The following DLGAP5 variants were observed in gnomAD, a reference collection of about 807,000 sequenced individuals.
DLGAP5 encodes the protein disks large-associated protein 5.
In DLGAP5, 90 loss-of-function variants were observed where a neutral mutation model predicts 99.6. That is an observed-to-expected ratio of 0.90 (90% confidence interval 0.76 to 1.08). DLGAP5 has a LOEUF of 1.08. DLGAP5 is among the 50% of genes least tolerant of loss of function. The pLI is 0.00. For synonymous variants in DLGAP5, 311 were observed against 321.3 expected (o/e 0.97, Z 0.34); for missense variants, 1,036 against 983.5 (o/e 1.05, Z -0.71).
At chr14:55,165,553 C>T (rs113428001) in intron 12 of DLGAP5, among the ~76,000 whole-genome samples, 1 of 151,726 alleles carries the variant, frequency 6.6e-6, no homozygotes, top group African/African-American at 2.4e-5. Flanking sequence ...CCCAAAAAAA[C>T]CCTACAATGA....
In DLGAP5 at chr14:55,180,740, G is replaced by A. The variant is rs1883244026; in HGVS notation, c.619C>T (p.Arg207Ter). Residue 207 changes from arginine (R) to a stop codon, truncating the protein, a stop_gained, in exon 6 of 19, where the codon CGA becomes TGA. Coordinates refer to ENST00000247191, the MANE Select transcript of DLGAP5 (RefSeq NM_014750.5). LOFTEE classifies it high-confidence loss of function. ...PVMPTSLRMT[R>*]SATQAAKQVP... is the part of the protein sequence containing the mutation. ...TGCTTTGCTGCTTGAGTAGCTGATC[G>A]AGTCATTCTCAACGACGTGGGCATT... 1.4e-5 allele frequency: 23 copies of A among 1,614,062 alleles called. No individual in the cohort carries two copies. Among genetic ancestry groups the A allele is most frequent in the Non-Finnish European group, 1.9e-5 (22 of 1,180,010 alleles).
chr14:55,159,883 AAAG>A (rs1029999428), intron 13 of DLGAP5, among the ~76,000 whole-genome samples: 3 of 152,210 alleles, frequency 2.0e-5, no homozygotes, highest in Non-Finnish European at 2.9e-5. Context: ...AAGAATAGGC[AAAG>A]AAGAAGGAAA....
chr14:55,175,337 C>G lies in DLGAP5; in HGVS notation c.1301+9G>C, dbSNP rs765022498. 3.7e-6 allele frequency: 6 copies of G among 1,605,590 alleles called. No homozygotes were observed. The highest frequency in any genetic ancestry group is 5.1e-6 in the Non-Finnish European group (6 of 1,177,492). ...ACAAAATTCTTACACTAGAAACACA[C>G]AGACATACCTGAAATATGGCACACC... On this transcript the variant is annotated intron_variant, in intron 10 of 18. Transcript: ENST00000247191.
chr14:55,180,565 AAAG>A lies in DLGAP5; in HGVS notation c.703+88_703+90del, dbSNP rs1312057579. ...TTTCCTGTTTCCTTCTCTCCTACTC[AAAG>A]AAGTACTTGTTGATTTTTGAAACGG... On this transcript the variant is annotated intron_variant, in intron 6 of 18. Coordinates refer to ENST00000247191, the MANE Select transcript of DLGAP5 (RefSeq NM_014750.5). 1.4e-5 allele frequency: 22 copies of A among 1,555,176 alleles called. 1 individual carries two copies. The highest frequency in any genetic ancestry group is 1.4e-4 in the South Asian group (12 of 85,540).
In DLGAP5 at chr14:55,151,863, C is replaced by T. The variant is rs761462822; in HGVS notation, c.2200G>A (p.Ala734Thr). 3.1e-6 allele frequency: 5 copies of T among 1,613,842 alleles called. No individual in the cohort carries two copies. In the African/African-American group the frequency reaches 6.7e-5, roughly 22 times the overall value. ...MSLPLLAGGV[A>T]DDINTNKKEG... Reference sequence around the variant, plus strand: ...TTTTTGTTAGTATTAATATCATCTGCTACTCCACCAGCAAGAAGAGGCAAA... The same window carrying T: ...TTTTTGTTAGTATTAATATCATCTGTTACTCCACCAGCAAGAAGAGGCAAA... The change falls in exon 17 of 19, where the codon GCA (alanine) becomes ACA (threonine). Residue 734 changes from alanine to threonine, a missense_variant. Coordinates refer to ENST00000247191, the MANE Select transcript of DLGAP5 (RefSeq NM_014750.5).
At chr14:55,169,985 A>T (rs1180928559) in intron 11 of DLGAP5, among the ~76,000 whole-genome samples, 1 of 152,028 alleles carries the variant, frequency 6.6e-6, no homozygotes. Context: ...AAATACAAAA[A>T]TCAGCTGGGC....
chr14:55,186,519 T>C (rs1420151977), intron 2 of DLGAP5, among the ~76,000 whole-genome samples: 1 of 152,240 alleles, frequency 6.6e-6, no homozygotes, highest in Non-Finnish European at 1.5e-5. Context: ...CTCCCCACTC[T>C]TCTTTTCATG....
At position 55,169,647 on chromosome 14, in the gene DLGAP5, C is replaced by T; in HGVS notation, c.1388-88G>A. Reference sequence around the variant, plus strand: ...CCCACTGATAAGACTTCACTCCAAACATCCTAGGGCCTACAGGTTGTTAAG... The same window carrying T: ...CCCACTGATAAGACTTCACTCCAAATATCCTAGGGCCTACAGGTTGTTAAG... On this transcript the variant is annotated intron_variant, in intron 11 of 18. Coordinates refer to ENST00000247191, the MANE Select transcript of DLGAP5 (RefSeq NM_014750.5). 4 of 1,169,482 alleles carry T rather than the reference C, an allele frequency of 3.4e-6. No individual in the cohort carries two copies. The South Asian group carries it at 7.2e-5, about 21-fold the overall frequency. The allele number at this position is 1,169,482 out of a possible 1,614,324, so 72.4% of individuals were successfully genotyped here.
intron 6 of DLGAP5, among the ~76,000 whole-genome samples, chr14:55,179,922 G>C (rs143991244): frequency 6.6e-6 from 1 of 151,986 alleles, no homozygotes; most frequent in Admixed American, 6.5e-5. Flanking sequence ...ACCAAATACA[G>C]ATTGAGTATC....
At chr14:55,186,740 G>A (rs988806802) in intron 2 of DLGAP5, among the ~76,000 whole-genome samples, 21 of 152,318 alleles carry the variant, frequency 1.4e-4, no homozygotes, top group South Asian at 2.1e-4. Context: ...CTCCACAGTG[G>A]TGAAGTCCAA....
Position 55,191,563 on chromosome 14 carries a change from G to A in DLGAP5, c.-102C>T, listed in dbSNP as rs112132073. 7.2e-5 allele frequency: 11 copies of A among 152,628 alleles called. No homozygotes were observed. Among genetic ancestry groups the A allele is most frequent in the African/African-American group, 1.9e-4 (8 of 41,400 alleles). 9.5% of individuals were successfully genotyped at this position (152,628 alleles called of 1,614,324 possible). On this transcript the variant is annotated 5_prime_UTR_variant, in exon 1 of 19. Coordinates refer to ENST00000247191, the MANE Select transcript of DLGAP5 (RefSeq NM_014750.5). Reference sequence around the variant, plus strand: ...TCCGAAGCAGGAACCCTCACAACCCGAGCCTCCACGAAATTCAAACTTGCC... The same window carrying A: ...TCCGAAGCAGGAACCCTCACAACCCAAGCCTCCACGAAATTCAAACTTGCC...
chr14:55,175,108 A>C (rs144629834), intron 10 of DLGAP5, among the ~76,000 whole-genome samples: 1 of 152,260 alleles, frequency 6.6e-6, no homozygotes, highest in African/African-American at 2.4e-5. Context: ...TGAAAGGTTC[A>C]AACTATGTGG....
intron 2 of DLGAP5, 119 bp from the exon 3 acceptor site, chr14:55,183,872 G>A: frequency 9.4e-7 from 1 of 1,069,006 alleles, no homozygotes; most frequent in Non-Finnish European, 1.3e-6. Flanking sequence ...ATGCTTTCAG[G>A]CCAGGCACGG....
In DLGAP5 at chr14:55,162,993, T is replaced by C; in HGVS notation, c.1631A>G (p.Asn544Ser). 1.3e-6 allele frequency: 2 copies of C among 1,591,576 alleles called. No homozygotes were observed. The highest frequency in any genetic ancestry group is 2.3e-5 in the South Asian group (2 of 86,024). ...GWQVNNNMNH[N>S]MNKNVFRKKV... ...TACCCTAAAGACATTTTTGTTCATA[T>C]TATGATTCATATTATTATTGACTTG... Residue 544 changes from asparagine (N) to serine (S), a missense_variant, in exon 13 of 19, where the codon AAT becomes AGT. Physicochemically the swap from Asn to Ser is conservative, Grantham distance 46. Coordinates refer to ENST00000247191, the MANE Select transcript of DLGAP5 (RefSeq NM_014750.5).
chr14:55,171,605 A>G (rs970636761), intron 10 of DLGAP5, among the ~76,000 whole-genome samples: 1 of 152,180 alleles, frequency 6.6e-6, no homozygotes, highest in African/African-American at 2.4e-5. Context: ...ACAACCCAGC[A>G]ATTCTACTTC....
In DLGAP5 at chr14:55,151,865, A is replaced by G. The variant is rs771230352; in HGVS notation, c.2198T>C (p.Val733Ala). Reference sequence around the variant, plus strand: ...TTTGTTAGTATTAATATCATCTGCTACTCCACCAGCAAGAAGAGGCAAACT... The same window carrying G: ...TTTGTTAGTATTAATATCATCTGCTGCTCCACCAGCAAGAAGAGGCAAACT... ...RMSLPLLAGGVADDINTNKKE... is the reference protein window; with the variant it reads ...RMSLPLLAGGAADDINTNKKE... Residue 733 changes from valine (V) to alanine (A), a missense_variant, in exon 17 of 19, where the codon GTA becomes GCA. Physicochemically the swap from Val to Ala is moderately conservative, Grantham distance 64. Coordinates refer to ENST00000247191, the MANE Select transcript of DLGAP5 (RefSeq NM_014750.5). 7.4e-6 allele frequency: 12 copies of G among 1,613,786 alleles called. No individual in the cohort carries two copies. The African/African-American group carries it at 1.6e-4, about 22-fold the overall frequency.
Position 55,148,431 on chromosome 14 carries a change from TC to T in DLGAP5, c.2460del (p.Arg821AspfsTer15). 1 of 1,614,194 alleles carries T rather than the reference TC, an allele frequency of 6.2e-7. No homozygotes were observed. Among genetic ancestry groups the T allele is most frequent in the Non-Finnish European group, 8.5e-7 (1 of 1,180,022 alleles). ...ATGTGTCTGGCATGTTCTTGATGTC[TC>T]CTCTCCAGCTGAGTAAATGGATTAC... is the stretch of plus-strand genomic sequence containing the variant. ...NCSNPFTQLE[R>X]RHQEHARHIS... On this transcript the variant is annotated frameshift_variant, in exon 19 of 19. Transcript: ENST00000247191. LOFTEE classifies it high-confidence loss of function.
In DLGAP5 at chr14:55,149,957, G is replaced by A. The variant is rs147477344; in HGVS notation, c.2418+842C>T. The stretch of plus-strand genomic sequence containing the variant: ...AATCCCAGCTACTCAGGAGGCTGAG[G>A]CAGGAGAATCGCTTGAACCCAGGAG... On this transcript the variant is annotated intron_variant, in intron 18 of 18. Coordinates refer to ENST00000247191, the MANE Select transcript of DLGAP5 (RefSeq NM_014750.5). 8.9e-3 allele frequency among the ~76,000 whole-genome samples: 1,355 copies of A among 151,910 alleles called. 3 individuals carry two copies. The highest frequency in any genetic ancestry group is 0.014 in the Non-Finnish European group (938 of 67,958).
At chr14:55,166,536 C>T (rs1273759704) in intron 12 of DLGAP5, among the ~76,000 whole-genome samples, 1 of 151,936 alleles carries the variant, frequency 6.6e-6, no homozygotes, top group Non-Finnish European at 1.5e-5. Context: ...TTAAGACCAG[C>T]CTGACCAACA....
Sources: allele counts gnomAD v4.1 joint callset (sites outside exome capture counted in the v4.1 genomes callset), GRCh38; gene constraint gnomAD v4.1.1; transcripts MANE v1.5; gene names NCBI Gene and HGNC (gene_info 2026-07-23, HGNC 2026-07-21).